The following SMARCA1 variants were observed in gnomAD, a reference collection of about 807,000 sequenced individuals.
SMARCA1 encodes SNF2 related chromatin remodeling ATPase 1, also known as SWI/SNF-related matrix-associated actin-dependent regulator of chromatin subfamily A member 1.
SMARCA1 carries 17 observed loss-of-function variants against 93.6 expected under a neutral mutation model. The ratio of observed to expected loss-of-function variants is 0.18; its 90% CI spans 0.12 to 0.27. SMARCA1 has a LOEUF of 0.27. SMARCA1 is among the 10% of genes least tolerant of loss of function. SMARCA1 has a pLI of 1.00. For synonymous variants in SMARCA1, 271 were observed against 271.4 expected, an observed-to-expected ratio of 1.00 and a Z score of 0.01; for missense variants, 630 against 819.0, an observed-to-expected ratio of 0.77 and a Z score of 2.82.
At chrX:129,467,363 T>C (rs1187298628) in intron 21 of SMARCA1, among the ~76,000 whole-genome samples, 1 of 111,651 alleles carries the variant, frequency 9.0e-6, no homozygotes, top group Admixed American at 9.6e-5. Flanking sequence ...TACACCGATG[T>C]TATCTCCCTG....
intron 19 of SMARCA1, among the ~76,000 whole-genome samples, chrX:129,477,134 TCCA>T (rs1227889169): frequency 9.0e-6 from 1 of 111,686 alleles, no homozygotes; most frequent in African/African-American, 3.3e-5. Context: ...TGGTTCTCCT[TCCA>T]CCACCACCAC....
intron 23 of SMARCA1, among the ~76,000 whole-genome samples, chrX:129,457,186 A>T (rs1217961161): frequency 8.9e-6 from 1 of 112,604 alleles, no homozygotes; most frequent in African/African-American, 3.2e-5. Context: ...AAAGGCTCAG[A>T]TGACTGTTAA....
chrX:129,465,670 C>T lies in SMARCA1; in HGVS notation c.2880G>A (p.Lys960=), dbSNP rs752171754. The change falls in exon 23 of 25, where the codon AAG becomes AAA. Residue 960 remains lysine (K), a synonymous_variant. Transcript: ENST00000371121. Reference sequence around the variant, plus strand: ...ATCTATCTTCTTCCTCAGTATAGTTCTTTCCTTTGCTGGTTCCATACTGAA... The same window carrying T: ...ATCTATCTTCTTCCTCAGTATAGTTTTTTCCTTTGCTGGTTCCATACTGAA... ...LRIQYGTSKG[K]NYTEEEDRFL... is the part of the protein sequence containing the mutation. The T allele has an allele frequency of 8.3e-7, 1 of 1,200,222 alleles. No individual in the cohort carries two copies. Among genetic ancestry groups the T allele is most frequent in the Admixed American group, 2.2e-5 (1 of 44,820 alleles).
At chrX:129,478,219 C>T (rs1294872134) in intron 19 of SMARCA1, among the ~76,000 whole-genome samples, 1 of 112,105 alleles carries the variant, frequency 8.9e-6, no homozygotes, top group African/African-American at 3.2e-5. Flanking sequence ...ATTGTAGTAT[C>T]TAATGCCTAT....
rs1489953674 is a variant in SMARCA1 at position 129,496,924 on chromosome X, T to G, written c.1505-53A>C. On this transcript the variant is annotated intron_variant, in intron 11 of 24. Coordinates refer to ENST00000371121, the MANE Select transcript of SMARCA1 (RefSeq NM_001282874.2). ...GTTGTACAACTTGTGTGAAACTAAC[T>G]TAAAAGCTACAAAATAAACATATGC... The G allele has an allele frequency of 4.9e-5, 54 of 1,103,237 alleles. 1 individual carries two copies. The Admixed American group carries it at 1.3e-3, about 27-fold the overall frequency. The allele number at this position is 1,103,237 out of a possible 1,213,427, so 90.9% of individuals were successfully genotyped here.
chrX:129,521,136 T>C (rs1212329900), intron 1 of SMARCA1, among the ~76,000 whole-genome samples: 2 of 111,489 alleles, frequency 1.8e-5, no homozygotes, highest in Admixed American at 9.5e-5. Flanking sequence ...TCTACCCGCC[T>C]CGGCCTCCCA....
At chrX:129,506,826 A>G (rs1934836547) in intron 7 of SMARCA1, among the ~76,000 whole-genome samples, 1 of 110,033 alleles carries the variant, frequency 9.1e-6, no homozygotes, top group South Asian at 3.9e-4. Context: ...CATGGAATCC[A>G]GGTTAGCCAT....
intron 12 of SMARCA1, among the ~76,000 whole-genome samples, chrX:129,493,964 C>T (rs909362267): frequency 9.0e-5 from 10 of 111,447 alleles, no homozygotes; most frequent in Non-Finnish European, 1.9e-4. Flanking sequence ...AGGAATCAAA[C>T]GTGGTCTTCT....
In SMARCA1 at chrX:129,461,903, A is replaced by C. The variant is rs1932811923; in HGVS notation, c.3030+3617T>G. ...CTTTTAGCACAGAGAAATTGAACTG[A>C]AACTCATTTTCTCTTTTGTATAGCT... On this transcript the variant is annotated intron_variant, in intron 23 of 24. Coordinates refer to ENST00000371121, the MANE Select transcript of SMARCA1 (RefSeq NM_001282874.2). Among the ~76,000 whole-genome samples the C allele has an allele frequency of 8.0e-5, 9 of 111,872 alleles. 1 individual carries two copies. In the South Asian group the frequency reaches 3.3e-3, roughly 41 times the overall value.
At position 129,491,998 on chromosome X, in the gene SMARCA1, A is replaced by G; in HGVS notation, c.1758T>C (p.Ala586=). 3.3e-6 allele frequency: 4 copies of G among 1,198,057 alleles called. No homozygotes were observed. The highest frequency in any genetic ancestry group is 4.5e-6 in the Non-Finnish European group (4 of 883,430). Residue 586 remains alanine, a synonymous_variant, in exon 14 of 25, where the codon GCT becomes GCC. Transcript: ENST00000371121. The stretch of plus-strand genomic sequence containing the variant: ...CTGAATCATATAGTATAACCACATC[A>G]GCACTTGCCAGGTTAATTCCGAGAC... ...AGGLGINLAS[A]DVVILYDSDW... is the part of the protein sequence containing the mutation.
intron 17 of SMARCA1, 67 bp from the exon 18 acceptor site, chrX:129,481,252 C>A (rs1377827421): frequency 6.0e-6 from 4 of 663,729 alleles, no homozygotes; most frequent in Non-Finnish European, 9.4e-6. Context: ...AAATCAAGTA[C>A]ATCGAGGCTG....
chrX:129,505,061 T>C (rs1934759828), intron 8 of SMARCA1, among the ~76,000 whole-genome samples: 1 of 111,779 alleles, frequency 8.9e-6, no homozygotes, highest in African/African-American at 3.3e-5. Context: ...CCCCATACTG[T>C]AGCAATATTA....
chrX:129,458,676 T>C (rs1932745705), intron 23 of SMARCA1, among the ~76,000 whole-genome samples: 1 of 112,149 alleles, frequency 8.9e-6, no homozygotes, highest in African/African-American at 3.2e-5. Flanking sequence ...CCACATTACA[T>C]TTCCTATGTA....
chrX:129,452,609 A>C lies in SMARCA1; in HGVS notation c.3031-4166T>G, dbSNP rs191419436. 2.0e-4 allele frequency among the ~76,000 whole-genome samples: 23 copies of C among 112,451 alleles called. No homozygotes were observed. The East Asian group carries it at 5.0e-3, about 25-fold the overall frequency. On this transcript the variant is annotated intron_variant, in intron 23 of 24. Transcript: ENST00000371121. ...GGAAATGTGAATGGCAGGATTCAGT[A>C]TAATCAGCACGTCCCAACTCTATCT... is the stretch of plus-strand genomic sequence containing the variant.
Position 129,500,192 on chromosome X carries a change from G to A in SMARCA1, c.1168-351C>T, listed in dbSNP as rs547601445. Among the ~76,000 whole-genome samples the A allele has an allele frequency of 4.8e-4, 53 of 110,862 alleles. No homozygotes were observed. The South Asian group carries it at 0.013, about 27-fold the overall frequency. ...GTTTGTTTGTTTGTTTTTGGAGACA[G>A]AGTCTCACCCTGTCACCCAGGCTGG... On this transcript the variant is annotated intron_variant, in intron 9 of 24. Coordinates refer to ENST00000371121, the MANE Select transcript of SMARCA1 (RefSeq NM_001282874.2).
At chrX:129,489,196 C>A in intron 15 of SMARCA1, 111 bp from the exon 16 acceptor site, 1 of 451,955 alleles carries the variant, frequency 2.2e-6, no homozygotes, top group Non-Finnish European at 3.6e-6. Flanking sequence ...CTTTAAAGAA[C>A]AAAAAATTAG....
chrX:129,508,030 C>G lies in SMARCA1; in HGVS notation c.877G>C (p.Val293Leu). Residue 293 changes from valine (V) to leucine (L), a missense_variant, in exon 7 of 25, where the codon GTA becomes CTA. Val to Leu is a conservative substitution (Grantham distance 32). This residue lies in a region of SMARCA1 where 382 missense variants were observed against 537.9 expected (regional missense o/e 0.71). Transcript: ENST00000371121. ...WDVCVTSYEMVIKEKSVFKKF... is the reference protein window; with the variant it reads ...WDVCVTSYEMLIKEKSVFKKF... The stretch of plus-strand genomic sequence containing the variant: ...TTGAATACAGATTTTTCTTTAATTA[C>G]CATCTCATAAGAAGTAACGCAAACA... The G allele has an allele frequency of 8.5e-7, 1 of 1,183,301 alleles. No individual in the cohort carries two copies. Among genetic ancestry groups the G allele is most frequent in the Non-Finnish European group, 1.1e-6 (1 of 873,830 alleles).
intron 14 of SMARCA1, among the ~76,000 whole-genome samples, chrX:129,491,139 T>G (rs186826915): frequency 6.3e-4 from 71 of 112,025 alleles, no homozygotes; most frequent in Admixed American, 6.3e-3. Flanking sequence ...GTCAATCCCT[T>G]TCAATTCTCT....
chrX:129,481,256 G>A (rs757773402), intron 17 of SMARCA1, 71 bp from the exon 18 acceptor site: 424 of 641,470 alleles, frequency 6.6e-4, no homozygotes, highest in Non-Finnish European at 9.0e-4. Context: ...CAAGTACATC[G>A]AGGCTGCAGA....
Sources: gnomAD v4.1 joint callset for allele counts (sites outside exome capture counted in the v4.1 genomes callset) on GRCh38, gnomAD v4.1.1 for gene constraint, gnomAD v4.1.1 regional missense constraint, MANE v1.5 for transcripts, NCBI Gene and HGNC (gene_info 2026-07-23, HGNC 2026-07-21) for gene names.